Variants in TNIP3 observed in about 807,000 individuals in gnomAD.
The protein encoded by TNIP3 is TNFAIP3-interacting protein 3.
TNIP3 carries 34 observed loss-of-function variants against 54.1 expected under a neutral mutation model. The ratio of observed to expected loss-of-function variants is 0.63; its 90% CI spans 0.48 to 0.84. The LOEUF is 0.84. TNIP3 is among the 40% of genes least tolerant of loss of function. The pLI, the probability that TNIP3 is intolerant of heterozygous loss-of-function variation, is 0.00. For missense variants in TNIP3, 366 were observed against 387.6 expected, an observed-to-expected ratio of 0.94 and a Z score of 0.47; for synonymous variants, 134 against 136.8, an observed-to-expected ratio of 0.98 and a Z score of 0.14.
chr4:121,179,235 C>T (rs1579448643), intron 3 of TNIP3, among the ~76,000 whole-genome samples: 1 of 152,174 alleles, frequency 6.6e-6, no homozygotes, highest in East Asian at 1.9e-4. Context: ...CACTAAAACA[C>T]TACAGGAAAA....
At chr4:121,164,973 A>C (rs1730673530), upstream of TNIP3, among the ~76,000 whole-genome samples, 1 of 152,054 alleles carries the variant, frequency 6.6e-6, no homozygotes, top group African/African-American at 2.4e-5. Flanking sequence ...TGGGTAGTAC[A>C]GATAAAAGCG....
chr4:121,152,132 A>AT (rs759780252), intron 5 of TNIP3, among the ~76,000 whole-genome samples: 12 of 152,162 alleles, frequency 7.9e-5, no homozygotes, highest in Non-Finnish European at 1.8e-4. Flanking sequence ...CATATTACAA[A>AT]TTTTTTCTGA....
chr4:121,218,360 T>C (rs1726888960), upstream of TNIP3, among the ~76,000 whole-genome samples: 1 of 152,204 alleles, frequency 6.6e-6, no homozygotes, highest in African/African-American at 2.4e-5. Flanking sequence ...AGACATTAAT[T>C]AGTTTACTGA....
chr4:121,138,765 G>A, intron 9 of TNIP3, 81 bp from the exon 10 acceptor site: 2 of 1,309,420 alleles, frequency 1.5e-6, no homozygotes, highest in South Asian at 1.2e-5. Context: ...TAGGCTATGT[G>A]GCTTTTATTA....
At chr4:121,160,140 C>G (rs986789362) in intron 2 of TNIP3, among the ~76,000 whole-genome samples, 10 of 151,990 alleles carry the variant, frequency 6.6e-5, no homozygotes, top group Non-Finnish European at 1.5e-4. Context: ...GTAGAAGGCA[C>G]CATGCAAGAG....
intron 10 of TNIP3, 105 bp from the exon 11 acceptor site, chr4:121,132,767 A>G: frequency 2.1e-6 from 2 of 970,756 alleles, no homozygotes; most frequent in Non-Finnish European, 3.1e-6. Context: ...AAAAAAAAAA[A>G]AAGTTATGTT....
rs969249343 is a variant in TNIP3 at position 121,225,800 on chromosome 4, C to A, written c.3+1585G>T. ...TTGGCCCCCGACCTGGACAAGGAGG[C>A]CCCCAGGACTTTTGAGGAATCAGGG... is the stretch of plus-strand genomic sequence containing the variant. On this transcript the variant is annotated intron_variant, in intron 1 of 12. Coordinates refer to the TNIP3 transcript ENST00000509841. Among the ~76,000 whole-genome samples the A allele has an allele frequency of 9.2e-5, 14 of 152,202 alleles. No individual in the cohort carries two copies. The South Asian group carries it at 2.1e-3, about 23-fold the overall frequency.
intron 7 of TNIP3, 90 bp downstream of exon 7, chr4:121,146,959 C>A: frequency 7.0e-7 from 1 of 1,436,726 alleles, no homozygotes; most frequent in Admixed American, 2.4e-5. Flanking sequence ...AATTCAATGT[C>A]AATTAACAGA....
chr4:121,184,863 T>G (rs932575299), intron 2 of TNIP3, among the ~76,000 whole-genome samples: 1 of 152,256 alleles, frequency 6.6e-6, no homozygotes, highest in Non-Finnish European at 1.5e-5. Context: ...AGTTTGGACC[T>G]ATCTTCAGGT....
chr4:121,141,065 C>T (rs1034032177), intron 9 of TNIP3, among the ~76,000 whole-genome samples: 1 of 152,128 alleles, frequency 6.6e-6, no homozygotes, highest in Non-Finnish European at 1.5e-5. Context: ...TCATGAGAAA[C>T]ACAATTAATC....
intron 6 of TNIP3, among the ~76,000 whole-genome samples, chr4:121,148,939 A>T (rs539746534): frequency 8.5e-5 from 13 of 152,306 alleles, no homozygotes; most frequent in African/African-American, 3.1e-4. Flanking sequence ...CCCATTGCTA[A>T]TATGTTACTG....
chr4:121,210,313 G>C (rs1726411993), intron 2 of TNIP3, among the ~76,000 whole-genome samples: 2 of 152,138 alleles, frequency 1.3e-5, no homozygotes, highest in Admixed American at 1.3e-4. Context: ...GCCTGAAGTT[G>C]AATCAGGTTT....
chr4:121,157,080 C>A lies in TNIP3; in HGVS notation c.363+14G>T, dbSNP rs202032237. 3 of 1,613,590 alleles carry A rather than the reference C, an allele frequency of 1.9e-6. No homozygotes were observed. The Admixed American group carries it at 5.0e-5, about 27-fold the overall frequency. ...TTTGGATCCTCCGGGCTCGAGGACC[C>A]GGGCCCCGCCCACCTCCTCCCGCTG... On this transcript the variant is annotated intron_variant, in intron 4 of 10. Coordinates refer to ENST00000057513, the MANE Select transcript of TNIP3 (RefSeq NM_024873.6).
chr4:121,181,449 A>C (rs1028557398), intron 3 of TNIP3, among the ~76,000 whole-genome samples: 1 of 152,244 alleles, frequency 6.6e-6, no homozygotes, highest in Non-Finnish European at 1.5e-5. Context: ...CCATTAGTAC[A>C]CATTCATCTG....
At chr4:121,198,822 A>C (rs1252220407) in intron 2 of TNIP3, among the ~76,000 whole-genome samples, 3 of 152,254 alleles carry the variant, frequency 2.0e-5, no homozygotes, top group Non-Finnish European at 4.4e-5. Context: ...TTATGAGAAC[A>C]AGCTGTTCTT....
chr4:121,222,281 A>G (rs1317072467), intron 1 of TNIP3, among the ~76,000 whole-genome samples: 2 of 152,148 alleles, frequency 1.3e-5, no homozygotes, highest in East Asian at 1.9e-4. Flanking sequence ...GTCTTTATTC[A>G]GCTCTATTTG....
At chr4:121,202,087 A>G (rs1579485976) in intron 2 of TNIP3, among the ~76,000 whole-genome samples, 2 of 152,292 alleles carry the variant, frequency 1.3e-5, no homozygotes, top group South Asian at 4.1e-4. Flanking sequence ...CCAAAAAAAG[A>G]GCCCACACAG....
chr4:121,194,430 T>C (rs982094100), intron 2 of TNIP3, among the ~76,000 whole-genome samples: 1 of 152,192 alleles, frequency 6.6e-6, no homozygotes, highest in East Asian at 1.9e-4. Context: ...AAAAATGAAA[T>C]TAGCATTTCA....
chr4:121,154,498 G>A (rs1729957854), intron 5 of TNIP3, 53 bp downstream of exon 5: 8 of 1,605,912 alleles, frequency 5.0e-6, no homozygotes, highest in Non-Finnish European at 5.9e-6. Flanking sequence ...CAGTAAGAAT[G>A]TTTTATGCAG....
Sources: gnomAD v4.1 joint callset for allele counts (sites outside exome capture counted in the v4.1 genomes callset) on GRCh38, gnomAD v4.1.1 for gene constraint, MANE v1.5 for transcripts, NCBI Gene and HGNC (gene_info 2026-07-23, HGNC 2026-07-21) for gene names.